NPAS3: variants seen among roughly 807,000 people sequenced by gnomAD.
The protein encoded by NPAS3 is neuronal PAS domain-containing protein 3.
In NPAS3, 14 loss-of-function variants were observed where a neutral mutation model predicts 73.1. That is an observed-to-expected ratio of 0.19 (90% CI 0.13 to 0.30). The LOEUF is 0.30. Among genes scored for constraint, NPAS3 ranks in the 10% least tolerant of loss-of-function variants. NPAS3 has a pLI of 1.00. For synonymous variants in NPAS3, 620 were observed against 541.5 expected (o/e 1.14, Z -2.01); for missense variants, 1,096 against 1,250.0 (o/e 0.88, Z 1.86).
chr14:33,151,870 C>A (rs1368528408), intron 2 of NPAS3, among the ~76,000 whole-genome samples: 1 of 152,108 alleles, frequency 6.6e-6, no homozygotes, highest in African/African-American at 2.4e-5. Context: ...CTAAGAGAGG[C>A]AGCTGCTACT....
chr14:33,436,494 A>G (rs994963160), intron 4 of NPAS3, among the ~76,000 whole-genome samples: 8 of 152,316 alleles, frequency 5.3e-5, no homozygotes, highest in African/African-American at 1.7e-4. Context: ...CTAAACCACA[A>G]AAAGTTCCTT....
intron 4 of NPAS3, among the ~76,000 whole-genome samples, chr14:33,482,630 T>C (rs1405271930): frequency 2.6e-5 from 4 of 152,072 alleles, no homozygotes. Flanking sequence ...AACACCCACC[T>C]CAGAGCCTCC....
intron 3 of NPAS3, among the ~76,000 whole-genome samples, chr14:33,287,792 G>A (rs1048374329): frequency 6.6e-6 from 1 of 152,148 alleles, no homozygotes; most frequent in Non-Finnish European, 1.5e-5. Context: ...ACAAACTAGA[G>A]CAGGGTGAAA....
At chr14:33,206,016 A>ATTGTTT (rs1290652815) in intron 2 of NPAS3, among the ~76,000 whole-genome samples, 1 of 152,160 alleles carries the variant, frequency 6.6e-6, no homozygotes, top group Non-Finnish European at 1.5e-5. Flanking sequence ...ATCTACTCCA[A>ATTGTTT]ATTGGAATAG....
intron 4 of NPAS3, among the ~76,000 whole-genome samples, chr14:33,445,283 A>G (rs1194704680): frequency 6.6e-6 from 1 of 152,162 alleles, no homozygotes. Context: ...TTTATTGTCA[A>G]CATTTTACAT....
intron 2 of NPAS3, among the ~76,000 whole-genome samples, chr14:33,111,096 G>A (rs748252774): frequency 3.3e-5 from 5 of 152,192 alleles, no homozygotes; most frequent in Admixed American, 6.5e-5. Flanking sequence ...TGGAAAAACT[G>A]CAAACTGAAT....
chr14:33,462,017 C>T (rs1594951956), intron 4 of NPAS3, among the ~76,000 whole-genome samples: 1 of 152,190 alleles, frequency 6.6e-6, no homozygotes, highest in East Asian at 1.9e-4. Context: ...TCCTGCCTTT[C>T]AGCCACAGAT....
intron 2 of NPAS3, among the ~76,000 whole-genome samples, chr14:33,167,405 A>G (rs2045204240): frequency 6.6e-6 from 1 of 152,210 alleles, no homozygotes; most frequent in South Asian, 2.1e-4. Flanking sequence ...ATGAATACAC[A>G]CACGCACAAA....
chr14:33,197,529 A>C (rs965178204), intron 2 of NPAS3, among the ~76,000 whole-genome samples: 1 of 152,280 alleles, frequency 6.6e-6, no homozygotes, highest in South Asian at 2.1e-4. Context: ...TGTCAGAAAA[A>C]AAAAAGAGAA....
rs1414332083 is a variant in NPAS3 at position 33,556,908 on chromosome 14, T to A, written c.469-3213T>A. ...TCTTTCTTTGTGTTGTTGCTCTAAT[T>A]GACAATGACATATTAAAATTTGAGA... On this transcript the variant is annotated intron_variant, in intron 4 of 11. Coordinates refer to ENST00000356141, the Ensembl canonical transcript of NPAS3. 3.9e-5 allele frequency among the ~76,000 whole-genome samples: 6 copies of A among 152,328 alleles called. No individual in the cohort carries two copies. The South Asian group carries it at 1.2e-3, about 32-fold the overall frequency.
intron 1 of NPAS3, among the ~76,000 whole-genome samples, chr14:32,942,722 A>G (rs1383515778): frequency 1.3e-5 from 2 of 152,214 alleles, no homozygotes; most frequent in Admixed American, 6.5e-5. Context: ...AGGTATTTCT[A>G]TCTACAGTAT....
intron 2 of NPAS3, among the ~76,000 whole-genome samples, chr14:33,083,477 G>C (rs1052893803): frequency 6.6e-6 from 1 of 152,222 alleles, no homozygotes; most frequent in South Asian, 2.1e-4. Flanking sequence ...TCCTCACTAG[G>C]CTTAACCTGC....
chr14:33,334,352 A>T (rs1422067358), intron 3 of NPAS3, among the ~76,000 whole-genome samples: 3 of 152,168 alleles, frequency 2.0e-5, no homozygotes, highest in African/African-American at 7.2e-5. Context: ...CATCATATAA[A>T]GTTCCTTCAT....
chr14:33,577,443 G>A (rs1323577893), intron 5 of NPAS3, among the ~76,000 whole-genome samples: 2 of 152,150 alleles, frequency 1.3e-5, no homozygotes, highest in Admixed American at 6.5e-5. Flanking sequence ...TCTATAAAGA[G>A]GGGGGAGGTT....
At chr14:33,492,442 T>C (rs780106481) in intron 4 of NPAS3, among the ~76,000 whole-genome samples, 1 of 152,186 alleles carries the variant, frequency 6.6e-6, no homozygotes, top group Non-Finnish European at 1.5e-5. Flanking sequence ...GAAGAGATTA[T>C]TCTTTGCATT....
chr14:33,427,251 T>A (rs961384882), intron 4 of NPAS3, among the ~76,000 whole-genome samples: 1 of 152,020 alleles, frequency 6.6e-6, no homozygotes, highest in African/African-American at 2.4e-5. Context: ...GCATGCAAAG[T>A]AGCCACTGTA....
At chr14:33,410,340 T>C (rs753422495) in intron 4 of NPAS3, among the ~76,000 whole-genome samples, 112 of 152,198 alleles carry the variant, frequency 7.4e-4, no homozygotes, top group Admixed American at 2.3e-3. Flanking sequence ...TGTTCATCTG[T>C]TCTTTCCATA....
At chr14:33,178,928 A>G (rs2045695418) in intron 2 of NPAS3, among the ~76,000 whole-genome samples, 2 of 152,188 alleles carry the variant, frequency 1.3e-5, no homozygotes, top group Admixed American at 1.3e-4. Flanking sequence ...CTTCCCATTG[A>G]GTGTGATGCT....
chr14:33,272,537 C>T (rs1189065251), intron 3 of NPAS3, among the ~76,000 whole-genome samples: 1 of 152,134 alleles, frequency 6.6e-6, no homozygotes, highest in Non-Finnish European at 1.5e-5. Flanking sequence ...TTCCCTCAGC[C>T]TCCCGAGTGG....
Sources: gnomAD v4.1 joint callset for allele counts (sites outside exome capture counted in the v4.1 genomes callset) on GRCh38, gnomAD v4.1.1 for gene constraint, MANE v1.5 for transcripts, NCBI Gene and HGNC (gene_info 2026-07-23, HGNC 2026-07-21) for gene names.